Variants in PCTP observed in about 807,000 individuals in gnomAD.
The protein encoded by PCTP is START domain-containing protein 2.
PCTP carries 27 observed loss-of-function variants against 31.0 expected under a neutral mutation model. The observed-to-expected ratio is 0.87, with a 90% CI of 0.64 to 1.20. The LOEUF is 1.20. Ranked by LOEUF, PCTP falls within the 50% of genes most tolerant of loss-of-function variation. The probability of loss-of-function intolerance (pLI) is 0.00; values close to 1 mark genes in which losing one functional copy is unlikely to be tolerated. For synonymous variants in PCTP, 108 were observed against 101.2 expected, an observed-to-expected ratio of 1.07 and a Z score of -0.40; for missense variants, 287 against 268.2, an observed-to-expected ratio of 1.07 and a Z score of -0.49.
intron 3 of PCTP, among the ~76,000 whole-genome samples, chr17:55,771,620 G>A (rs527466207): frequency 1.1e-4 from 16 of 152,326 alleles, no homozygotes; most frequent in South Asian, 2.1e-4. Context: ...TCAGGCCTCT[G>A]CATTTCCAGC....
rs549563758 is a variant in PCTP at position 55,820,316 on chromosome 17, G to A, written c.318-2445G>A. Among the ~76,000 whole-genome samples the A allele has an allele frequency of 3.9e-5, 6 of 152,288 alleles. No individual in the cohort carries two copies. The East Asian group carries it at 1.2e-3, about 29-fold the overall frequency. ...GCTATAACAAAATACTGAAGAGCAGGTAATTTATATAAGTAATAGAAATCT... is the reference window on the plus strand; with the variant it reads ...GCTATAACAAAATACTGAAGAGCAGATAATTTATATAAGTAATAGAAATCT... On this transcript the variant is annotated intron_variant, in intron 3 of 3. Transcript: ENST00000572536.
chr17:55,819,570 G>A (rs1179421595), intron 3 of PCTP, among the ~76,000 whole-genome samples: 1 of 151,980 alleles, frequency 6.6e-6, no homozygotes, highest in Non-Finnish European at 1.5e-5. Context: ...AGGAAATATA[G>A]GGAATCCCAA....
intron 2 of PCTP, among the ~76,000 whole-genome samples, chr17:55,783,985 A>G (rs2144991536): frequency 6.6e-6 from 1 of 152,218 alleles, no homozygotes; most frequent in South Asian, 2.1e-4. Flanking sequence ...CTGTTCCACT[A>G]ACTTATAAAA....
In PCTP at chr17:55,771,152, A is replaced by T. The variant is rs1174330451; in HGVS notation, c.306A>T (p.Glu102Asp). 1.9e-6 allele frequency: 3 copies of T among 1,613,292 alleles called. No homozygotes were observed. The highest frequency in any genetic ancestry group is 2.5e-6 in the Non-Finnish European group (3 of 1,179,224). ...ACGGAGAGACTGTGGTCTACTGGGA[A>T]GTGAAGTACCCTTTTCCCATGTCCA... Reference protein sequence around the residue: ...ECNGETVVYWEVKYPFPMSNR... With the variant: ...ECNGETVVYWDVKYPFPMSNR... The change falls in exon 3 of 6, where the codon GAA becomes GAT. Residue 102 changes from glutamate to aspartate, a missense_variant. By Grantham distance (45) the Glu-to-Asp change is conservative. Coordinates refer to ENST00000268896, the MANE Select transcript of PCTP (RefSeq NM_021213.4).
At chr17:55,798,746 T>C (rs1365767952) in intron 3 of PCTP, among the ~76,000 whole-genome samples, 1 of 151,812 alleles carries the variant, frequency 6.6e-6, no homozygotes, top group Non-Finnish European at 1.5e-5. Flanking sequence ...GATATTTGTA[T>C]AGAAGAACAA....
chr17:55,796,489 A>G (rs1225831551), intron 3 of PCTP, among the ~76,000 whole-genome samples: 1 of 152,042 alleles, frequency 6.6e-6, no homozygotes, highest in African/African-American at 2.4e-5. Flanking sequence ...AAAGGCTTCA[A>G]TCTAAAGAAA....
At chr17:55,780,576 C>T (rs148282661), downstream of PCTP, among the ~76,000 whole-genome samples, 41 of 152,342 alleles carry the variant, frequency 2.7e-4, no homozygotes, top group Admixed American at 6.5e-4. Context: ...ATGGAAGAAT[C>T]TGCCCCACAT....
At chr17:55,769,337 G>A (rs1238887692) in intron 2 of PCTP, 2 of 152,204 alleles carry the variant, frequency 1.3e-5, no homozygotes, top group Non-Finnish European at 2.9e-5. Context: ...CTATTTAGGG[G>A]GCAGTGGGAT....
At chr17:55,805,745 A>G (rs774891553) in intron 3 of PCTP, among the ~76,000 whole-genome samples, 6 of 152,146 alleles carry the variant, frequency 3.9e-5, no homozygotes, top group Non-Finnish European at 7.4e-5. Flanking sequence ...TTGGCACCAG[A>G]TTTGACTCTC....
downstream of PCTP, among the ~76,000 whole-genome samples, chr17:55,823,713 A>G (rs73314367): frequency 9.4e-3 from 1,435 of 152,316 alleles, 22 homozygotes; most frequent in African/African-American, 0.032. Context: ...TAGTCCAGGC[A>G]ATTGTCAAGA....
rs73314352 is a variant in PCTP, at chr17:55,795,252, T to C, written c.317+7598T>C. Among the ~76,000 whole-genome samples, 845 of 152,176 alleles carry C rather than the reference T, an allele frequency of 5.6e-3. 10 individuals carry two copies. Among genetic ancestry groups the C allele is most frequent in the African/African-American group, 0.019 (784 of 41,544 alleles). ...CTATTATGCATCTCTCACCTTACAG[T>C]GAACAAAAGGGCATTGTAACTTCAC... On this transcript the variant is annotated intron_variant, in intron 3 of 3. Transcript: ENST00000572536.
At chr17:55,789,935 C>A (rs1449705722) in intron 3 of PCTP, among the ~76,000 whole-genome samples, 1 of 152,136 alleles carries the variant, frequency 6.6e-6, no homozygotes, top group Non-Finnish European at 1.5e-5. Context: ...TCCAGCAGCA[C>A]ATCAAAAAGC....
intron 1 of PCTP, among the ~76,000 whole-genome samples, chr17:55,764,602 A>G (rs538817629): frequency 6.6e-6 from 1 of 152,158 alleles, no homozygotes; most frequent in Admixed American, 6.5e-5. Flanking sequence ...TCAATTTTAC[A>G]TTCATTTTTT....
chr17:55,757,575 A>G (rs1460703539), intron 1 of PCTP, among the ~76,000 whole-genome samples: 1 of 152,076 alleles, frequency 6.6e-6, no homozygotes, highest in African/African-American at 2.4e-5. Flanking sequence ...GTGTGTATAT[A>G]TACTAATCAC....
chr17:55,815,690 C>T (rs1419379254), intron 3 of PCTP, among the ~76,000 whole-genome samples: 2 of 152,186 alleles, frequency 1.3e-5, no homozygotes, highest in South Asian at 2.1e-4. Context: ...CTCCTTTCCC[C>T]TTTAAATAAA....
intron 3 of PCTP, among the ~76,000 whole-genome samples, chr17:55,801,160 C>T (rs1421631589): frequency 2.0e-5 from 3 of 152,090 alleles, no homozygotes; most frequent in Admixed American, 2.0e-4. Context: ...ACAAGAAGAG[C>T]TAACTAACCT....
At chr17:55,816,221 C>T (rs530542442) in intron 3 of PCTP, among the ~76,000 whole-genome samples, 29 of 152,286 alleles carry the variant, frequency 1.9e-4, no homozygotes, top group African/African-American at 6.7e-4. Context: ...TCATGATCAC[C>T]CCCAAAGAAA....
rs752657703 is a variant in PCTP at position 55,771,181 on chromosome 17, G to C, written c.335G>C (p.Arg112Thr). 1 of 1,605,152 alleles carries C rather than the reference G, an allele frequency of 6.2e-7. No homozygotes were observed. The highest frequency in any genetic ancestry group is 8.5e-7 in the Non-Finnish European group (1 of 1,171,866). The part of the protein sequence containing the change: ...EVKYPFPMSN[R>T]DYVYLRQRRD... ...AAGTACCCTTTTCCCATGTCCAACA[G>C]AGACGTATCCTTTCCACAAGGTACT... The change falls in exon 3 of 6, where the codon AGA becomes ACA. Residue 112 changes from arginine to threonine, a missense_variant. Transcript: ENST00000268896.
chr17:55,775,264 CACTTTTGTTG>C, intron 5 of PCTP: 2 of 1,234,712 alleles, frequency 1.6e-6, no homozygotes, highest in Non-Finnish European at 2.0e-6. Flanking sequence ...GGAAAGCTTC[CACTTTTGTTG>C]TTGTTGCCCT....
Sources: allele counts gnomAD v4.1 joint callset (sites outside exome capture counted in the v4.1 genomes callset), GRCh38; gene constraint gnomAD v4.1.1; transcripts MANE v1.5; gene names NCBI Gene and HGNC (gene_info 2026-07-23, HGNC 2026-07-21).